LIMS2: variants seen among roughly 807,000 people sequenced by gnomAD.
LIMS2 encodes the protein LIM zinc finger domain containing 2.
LIMS2 carries 30 observed loss-of-function variants against 45.3 expected under a neutral mutation model. The ratio of observed to expected loss-of-function variants is 0.66; its 90% CI spans 0.50 to 0.90. The LOEUF (loss-of-function observed/expected upper bound fraction) is 0.90, where lower values mean the gene tolerates loss of function less well. Ranked by LOEUF, LIMS2 falls within the 40% of genes least tolerant of loss-of-function variation. The pLI, the probability that LIMS2 is intolerant of heterozygous loss-of-function variation, is 0.00. For missense variants in LIMS2, 485 were observed against 468.7 expected, an observed-to-expected ratio of 1.03 and a Z score of -0.32; for synonymous variants, 173 against 188.0, an observed-to-expected ratio of 0.92 and a Z score of 0.65.
chr2:127,655,111 C>G, intron 2 of LIMS2: 2 of 623,416 alleles, frequency 3.2e-6, no homozygotes, highest in Admixed American at 4.9e-5. Context: ...CCCGTGGAAG[C>G]TGGAGAGGTC....
At chr2:127,665,317 T>C (rs10188441) in intron 1 of LIMS2, among the ~76,000 whole-genome samples, 8,314 of 152,082 alleles carry the variant, frequency 0.055, 344 homozygotes, top group African/African-American at 0.1. Flanking sequence ...CTGGCAGCCG[T>C]CACTAAAGAC....
Position 127,664,282 on chromosome 2 carries a change from C to G in LIMS2, c.12-6720G>C, listed in dbSNP as rs1272273101. On this transcript the variant is annotated intron_variant, in intron 1 of 9. Transcript: ENST00000355119. This position sits in a 1 kb window ranked among gnomAD's most constrained non-coding sequence, Gnocchi z 5.5. ...AGCTTTCCGGCCATTGTCCCCGCCA[C>G]CCGCCCCGCCCCTGGCCACCTACCC... 1.6e-6 allele frequency: 2 copies of G among 1,233,518 alleles called. No homozygotes were observed. The highest frequency in any genetic ancestry group is 3.2e-5 in the East Asian group (1 of 30,794). The allele number at this position is 1,233,518 out of a possible 1,614,324, so 76.4% of individuals were successfully genotyped here.
At chr2:127,639,522 C>A in intron 9 of LIMS2, 94 bp from the exon 10 acceptor site, 1 of 1,474,890 alleles carries the variant, frequency 6.8e-7, no homozygotes, top group East Asian at 2.3e-5. Context: ...AGCCCCCAGC[C>A]TCCCCACACC....
At chr2:127,650,013 T>A in intron 4 of LIMS2, 1 of 1,607,970 alleles carries the variant, frequency 6.2e-7, no homozygotes, top group Non-Finnish European at 8.5e-7. Flanking sequence ...CCTGTCAGGA[T>A]GTCCAAACGG....
intron 4 of LIMS2, chr2:127,650,006 GT>G (rs1683558698): frequency 6.2e-7 from 1 of 1,606,700 alleles, no homozygotes. Context: ...CTCCCCACCT[GT>G]CAGGATGTCC....
At chr2:127,644,570 G>T (rs1214742802) in intron 4 of LIMS2, among the ~76,000 whole-genome samples, 1 of 152,194 alleles carries the variant, frequency 6.6e-6, no homozygotes, top group East Asian at 1.9e-4. Flanking sequence ...TCAGCATGTA[G>T]GCCCCATGAC....
At chr2:127,649,912 C>T (rs933274947) in intron 4 of LIMS2, 3 of 959,694 alleles carry the variant, frequency 3.1e-6, no homozygotes, top group East Asian at 2.6e-5. Flanking sequence ...AGAGATGCTG[C>T]CCCCTGGTGG....
chr2:127,650,935 A>T, intron 4 of LIMS2: 1 of 1,613,970 alleles, frequency 6.2e-7, no homozygotes, highest in East Asian at 2.2e-5. Context: ...ACCCCGGCCA[A>T]CGTGTTCCTG....
Position 127,653,205 on chromosome 2 carries a change from C to T in LIMS2, c.359+1219G>A, listed in dbSNP as rs764506223. On this transcript the variant is annotated intron_variant, in intron 4 of 9. Transcript: ENST00000355119. This position sits in a 1 kb window ranked among gnomAD's most constrained non-coding sequence, Gnocchi z 5.3. Reference sequence around the variant, plus strand: ...CACACGGACAAGAGCTCGGTAGTGTCGGGGAAGCATCTCGGAGGAGCTGCG... The same window carrying T: ...CACACGGACAAGAGCTCGGTAGTGTTGGGGAAGCATCTCGGAGGAGCTGCG... 5.3e-5 allele frequency among the ~76,000 whole-genome samples: 8 copies of T among 152,170 alleles called. No individual in the cohort carries two copies. The highest frequency in any genetic ancestry group is 8.8e-5 in the Non-Finnish European group (6 of 68,032).
rs771536577 is a variant in LIMS2, at chr2:127,650,703, T to C, written c.359+3721A>G. The stretch of plus-strand genomic sequence containing the variant: ...CGCAAGCTCATTGTGAACTGTTTGC[T>C]TGTTCCCTCCAGGCTCTGACTCCAG... On this transcript the variant is annotated intron_variant, in intron 4 of 9. Coordinates refer to ENST00000355119, the MANE Select transcript of LIMS2 (RefSeq NM_001161403.3). 7 of 1,583,846 alleles carry C rather than the reference T, an allele frequency of 4.4e-6. No homozygotes were observed. The Admixed American group carries it at 1.2e-4, about 28-fold the overall frequency.
intron 4 of LIMS2, chr2:127,650,068 A>G (rs773426777): frequency 3.1e-6 from 5 of 1,605,084 alleles, no homozygotes; most frequent in Non-Finnish European, 4.3e-6. Flanking sequence ...AGATGCTGAA[A>G]CTCTCAGGTG....
At position 127,664,203 on chromosome 2, in the gene LIMS2, C is replaced by T. The variant is rs1325080144; in HGVS notation, c.12-6641G>A. On this transcript the variant is annotated intron_variant, in intron 1 of 9. Coordinates refer to ENST00000355119, the MANE Select transcript of LIMS2 (RefSeq NM_001161403.3). This position sits in a 1 kb window ranked among gnomAD's most constrained non-coding sequence, Gnocchi z 5.5. ...CCATCCGACGCCGGGGCAGAGCCCACGGCGTCGGAGGGCCCCGGTCGGGTT... is the reference window on the plus strand; with the variant it reads ...CCATCCGACGCCGGGGCAGAGCCCATGGCGTCGGAGGGCCCCGGTCGGGTT... 3.1e-6 allele frequency: 3 copies of T among 974,086 alleles called. No homozygotes were observed. Among genetic ancestry groups the T allele is most frequent in the Non-Finnish European group, 3.9e-6 (3 of 771,804 alleles). The allele number at this position is 974,086 out of a possible 1,614,324, so 60.3% of individuals were successfully genotyped here. A position where few individuals can be genotyped will look rare whatever the true frequency, so the allele number is the denominator to read the frequency against.
At position 127,671,307 on chromosome 2, in the gene LIMS2, C is replaced by T. The variant is rs1445488157; in HGVS notation, c.11+3707G>A. 6.6e-6 allele frequency among the ~76,000 whole-genome samples: 1 copy of T among 152,084 alleles called. No individual in the cohort carries two copies. Among genetic ancestry groups the T allele is most frequent in the East Asian group, 1.9e-4 (1 of 5,190 alleles). ...AATTAGCCGGTTGTGGTGGTATGCACCTGTAGTCCCAGCTACTTGGGAGGC... is the reference window on the plus strand; with the variant it reads ...AATTAGCCGGTTGTGGTGGTATGCATCTGTAGTCCCAGCTACTTGGGAGGC... On this transcript the variant is annotated intron_variant, in intron 1 of 9. Transcript: ENST00000355119. This position sits in a 1 kb window ranked among gnomAD's most constrained non-coding sequence, Gnocchi z 4.1.
chr2:127,668,023 C>G (rs564452299), intron 1 of LIMS2, among the ~76,000 whole-genome samples: 35 of 152,246 alleles, frequency 2.3e-4, no homozygotes, highest in African/African-American at 8.2e-4. Flanking sequence ...ATACCAGAAT[C>G]GCTAGCAATG....
intron 1 of LIMS2, among the ~76,000 whole-genome samples, chr2:127,660,279 A>C (rs188097478): frequency 6.6e-6 from 1 of 152,318 alleles, no homozygotes; most frequent in Admixed American, 6.5e-5. Context: ...CAAATAAGGG[A>C]ATAAAACCAG....
At chr2:127,666,882 G>A (rs535315666) in intron 1 of LIMS2, among the ~76,000 whole-genome samples, 1 of 152,146 alleles carries the variant, frequency 6.6e-6, no homozygotes, top group African/African-American at 2.4e-5. Context: ...AGCATGGGGG[G>A]AAACACCCCC....
upstream of LIMS2, among the ~76,000 whole-genome samples, chr2:127,679,031 G>A (rs1685560368): frequency 6.6e-6 from 1 of 152,266 alleles, no homozygotes; most frequent in East Asian, 1.9e-4. The surrounding 1 kb of genome is among the most constrained non-coding windows in gnomAD (Gnocchi z 5.3). Flanking sequence ...GAGAGTGTGA[G>A]GTGCCACAGA....
rs566991679 is a variant in LIMS2 at position 127,664,720 on chromosome 2, C to G, written c.12-7158G>C. On this transcript the variant is annotated intron_variant, in intron 1 of 9. Coordinates refer to ENST00000355119, the MANE Select transcript of LIMS2 (RefSeq NM_001161403.3). The surrounding 1 kb of genome is among the most constrained non-coding windows in gnomAD (Gnocchi z 5.5). Reference sequence around the variant, plus strand: ...TGAGGTCCACAGTGGCGGCAGGACACCCAGGAGGTCTCCGGCTGCCACCTG... The same window carrying G: ...TGAGGTCCACAGTGGCGGCAGGACAGCCAGGAGGTCTCCGGCTGCCACCTG... 1.9e-6 allele frequency: 1 copy of G among 539,904 alleles called. No homozygotes were observed. Among genetic ancestry groups the G allele is most frequent in the Admixed American group, 6.4e-5 (1 of 15,704 alleles). 33.4% of individuals were successfully genotyped at this position (539,904 alleles called of 1,614,324 possible). A position where few individuals can be genotyped will look rare whatever the true frequency, so the allele number is the denominator to read the frequency against.
At chr2:127,670,086 A>C (rs1187719610) in intron 1 of LIMS2, among the ~76,000 whole-genome samples, 1 of 152,268 alleles carries the variant, frequency 6.6e-6, no homozygotes, top group African/African-American at 2.4e-5. Context: ...ATAATTCCTC[A>C]AAAAGTTTAA....
Sources: allele counts gnomAD v4.1 joint callset (sites outside exome capture counted in the v4.1 genomes callset), GRCh38; gene constraint gnomAD v4.1.1; non-coding constraint Gnocchi (gnomAD v3.1); transcripts MANE v1.5; gene names NCBI Gene and HGNC (gene_info 2026-07-23, HGNC 2026-07-21).